CHEK2: variants seen among roughly 807,000 people sequenced by gnomAD.
CHEK2 encodes the protein checkpoint kinase 2.
Under a neutral mutation model 69.1 loss-of-function variants are expected in CHEK2, and 71 were observed. The ratio of observed to expected loss-of-function variants is 1.03; its 90% CI spans 0.85 to 1.25. The LOEUF (loss-of-function observed/expected upper bound fraction) is 1.25, where lower values mean the gene tolerates loss of function less well. Ranked by LOEUF, CHEK2 falls within the 50% of genes most tolerant of loss-of-function variation. The probability of loss-of-function intolerance (pLI) is 0.00; values close to 1 mark genes in which losing one functional copy is unlikely to be tolerated. For missense variants in CHEK2, 664 were observed against 649.6 expected, an observed-to-expected ratio of 1.02 and a Z score of -0.24; for synonymous variants, 189 against 226.9, an observed-to-expected ratio of 0.83 and a Z score of 1.50.
chr22:28,729,509 C>T (rs1441572043), intron 2 of CHEK2: 2 of 141,290 alleles, frequency 1.4e-5, no homozygotes, highest in African/African-American at 5.4e-5. Context: ...CGCCACTGCA[C>T]TCCAGCCTGG....
chr22:28,720,239 C>T (rs1268493239), intron 4 of CHEK2, among the ~76,000 whole-genome samples: 2 of 151,588 alleles, frequency 1.3e-5, no homozygotes, highest in Non-Finnish European at 1.5e-5. Flanking sequence ...TACAGGCGAA[C>T]AGCACCATGC....
intron 7 of CHEK2, among the ~76,000 whole-genome samples, chr22:28,706,981 GA>G (rs1434836074): frequency 6.6e-6 from 1 of 152,086 alleles, no homozygotes; most frequent in Non-Finnish European, 1.5e-5. Context: ...AAGGAACGGA[GA>G]GAAGGAAAAA....
chr22:28,739,249 C>A (rs1057377211), intron 1 of CHEK2, among the ~76,000 whole-genome samples: 2 of 152,034 alleles, frequency 1.3e-5, no homozygotes, highest in African/African-American at 4.8e-5. Context: ...GCACTCGAGG[C>A]TAGGTGACAG....
chr22:28,727,664 C>T lies in CHEK2; in HGVS notation c.320-2297G>A, dbSNP rs12158979. ...TTAGGTTCCTATAAATCAGTGAAAA[C>T]GCTAAACAGTCCAGTAGAAAAATAG... On this transcript the variant is annotated intron_variant, in intron 2 of 14. Coordinates refer to ENST00000404276, the MANE Select transcript of CHEK2 (RefSeq NM_007194.4). Among the ~76,000 whole-genome samples the T allele has an allele frequency of 2.6e-3, 391 of 152,170 alleles. 2 individuals are homozygous for T. The highest frequency in any genetic ancestry group is 0.014 in the Middle Eastern group (4 of 294).
At chr22:28,700,612 T>C (rs1389205756) in intron 8 of CHEK2, among the ~76,000 whole-genome samples, 1 of 152,164 alleles carries the variant, frequency 6.6e-6, no homozygotes, top group African/African-American at 2.4e-5. Context: ...ATCTGAACCC[T>C]AACTCTACCA....
chr22:28,712,439 A>C (rs1231771051), intron 5 of CHEK2, among the ~76,000 whole-genome samples: 2 of 152,224 alleles, frequency 1.3e-5, no homozygotes, highest in African/African-American at 4.8e-5. Flanking sequence ...TTAATGGATA[A>C]ATTTCTTTCC....
chr22:28,695,907 C>A, intron 10 of CHEK2, 34 bp from the exon 11 acceptor site: 2 of 1,566,896 alleles, frequency 1.3e-6, no homozygotes, highest in Non-Finnish European at 1.8e-6. Context: ...TAATGTTGAA[C>A]TTGCCATAAA....
rs551643825 is a variant in CHEK2, at chr22:28,694,255, T to C, written c.1376-138A>G. On this transcript the variant is annotated intron_variant, in intron 12 of 14. Coordinates refer to ENST00000404276, the MANE Select transcript of CHEK2 (RefSeq NM_007194.4). ...CACGGAGTCAGCAGACAGGGCCCCC[T>C]AATCTTCCTCACTCTCTGTATTCAG... 5.7e-6 allele frequency: 4 copies of C among 696,238 alleles called. No homozygotes were observed. In the East Asian group the frequency reaches 1.1e-4, roughly 19 times the overall value. The allele number at this position is 696,238 out of a possible 1,614,324, so 43.1% of individuals were successfully genotyped here.
intron 6 of CHEK2, among the ~76,000 whole-genome samples, chr22:28,711,566 G>A (rs2053391011): frequency 6.6e-6 from 1 of 152,084 alleles, no homozygotes; most frequent in Non-Finnish European, 1.5e-5. Context: ...ACAGCTGTGG[G>A]GTTACAGTGG....
chr22:28,709,778 A>C (rs2053315588), intron 7 of CHEK2, among the ~76,000 whole-genome samples: 1 of 152,026 alleles, frequency 6.6e-6, no homozygotes, highest in Non-Finnish European at 1.5e-5. Context: ...CACCATGCCC[A>C]GCTAAATTTT....
At chr22:28,728,002 C>T (rs1035230574) in intron 2 of CHEK2, 54 of 152,316 alleles carry the variant, frequency 3.5e-4, no homozygotes, top group African/African-American at 1.3e-3. Context: ...CACGATGGCT[C>T]ACACCTGTAA....
intron 7 of CHEK2, among the ~76,000 whole-genome samples, chr22:28,708,363 A>ATGTGTGTGTGTGTGTCTG (rs1555919269): frequency 7.2e-6 from 1 of 139,668 alleles, no homozygotes; most frequent in Non-Finnish European, 1.5e-5. Context: ...CTCTAAAAAT[A>ATGTGTGTGTGTGTGTCTG]TGTGTGTGTG....
At chr22:28,705,844 T>C (rs1038860967) in intron 7 of CHEK2, among the ~76,000 whole-genome samples, 3 of 151,990 alleles carry the variant, frequency 2.0e-5, no homozygotes, top group African/African-American at 7.3e-5. Context: ...GAGAATCGCT[T>C]GTACCTGGGA....
intron 2 of CHEK2, chr22:28,726,397 T>C (rs2054012537): frequency 6.8e-6 from 1 of 147,270 alleles, no homozygotes; most frequent in South Asian, 2.1e-4. Flanking sequence ...ATATTTAATA[T>C]ATATTATATA....
At chr22:28,733,981 G>A (rs1407748329) in intron 2 of CHEK2, among the ~76,000 whole-genome samples, 3 of 151,872 alleles carry the variant, frequency 2.0e-5, no homozygotes, top group African/African-American at 7.3e-5. Context: ...TTGCACTCTG[G>A]CCTATGATCC....
chr22:28,698,153 G>A (rs929193625), intron 9 of CHEK2, among the ~76,000 whole-genome samples: 42 of 149,770 alleles, frequency 2.8e-4, no homozygotes, highest in African/African-American at 1.0e-3. Context: ...CACTTTGGGA[G>A]CTCAAGGCAG....
chr22:28,706,740 A>T (rs540456569), intron 7 of CHEK2, among the ~76,000 whole-genome samples: 1 of 152,206 alleles, frequency 6.6e-6, no homozygotes. Flanking sequence ...CCAACATGGC[A>T]AAACCCCATC....
At chr22:28,694,514 T>C (rs2052489131) in intron 12 of CHEK2, among the ~76,000 whole-genome samples, 1 of 152,202 alleles carries the variant, frequency 6.6e-6, no homozygotes, top group Non-Finnish European at 1.5e-5. Context: ...TCCCTGGAAC[T>C]GCAGACTTGT....
chr22:28,700,998 A>C (rs2052820984), intron 8 of CHEK2, among the ~76,000 whole-genome samples: 1 of 152,086 alleles, frequency 6.6e-6, no homozygotes, highest in Non-Finnish European at 1.5e-5. Context: ...CATGTTGGTC[A>C]GGCTGGTCTC....
Sources: allele counts gnomAD v4.1 joint callset (sites outside exome capture counted in the v4.1 genomes callset), GRCh38; gene constraint gnomAD v4.1.1; transcripts MANE v1.5; gene names NCBI Gene and HGNC (gene_info 2026-07-23, HGNC 2026-07-21).